DIS3L2: variants seen among roughly 807,000 people sequenced by gnomAD.
The protein encoded by DIS3L2 is DIS3 like 3'-5' exoribonuclease 2.
A neutral mutation model predicts 97.5 loss-of-function variants in DIS3L2; 34 were observed. The observed-to-expected ratio is 0.35, with a 90% CI of 0.27 to 0.46. The LOEUF (loss-of-function observed/expected upper bound fraction) is 0.46, where lower values mean the gene tolerates loss of function less well. Among genes scored for constraint, DIS3L2 ranks in the 20% least tolerant of loss-of-function variants. DIS3L2 has a pLI of 1.00. For missense variants in DIS3L2, 1,038 were observed against 1,146.0 expected (o/e 0.91, Z 1.36); for synonymous variants, 435 against 445.2 (o/e 0.98, Z 0.29).
chr2:232,025,139 A>G (rs1226334465), intron 4 of DIS3L2, among the ~76,000 whole-genome samples: 1 of 152,196 alleles, frequency 6.6e-6, no homozygotes, highest in Non-Finnish European at 1.5e-5. Context: ...TAGTGAGAAT[A>G]TAGGTTCAGT....
intron 6 of DIS3L2, among the ~76,000 whole-genome samples, chr2:232,098,294 A>G (rs969394282): frequency 6.6e-6 from 1 of 151,942 alleles, no homozygotes; most frequent in Non-Finnish European, 1.5e-5. Context: ...CCTACTTGCA[A>G]TGTATGAGGC....
chr2:232,100,518 A>G (rs972758073), intron 6 of DIS3L2, among the ~76,000 whole-genome samples: 1 of 152,036 alleles, frequency 6.6e-6, no homozygotes, highest in Non-Finnish European at 1.5e-5. Context: ...AAAGCTACAT[A>G]TGTACCTCTA....
At chr2:231,973,266 A>G (rs1170666661) in intron 1 of DIS3L2, among the ~76,000 whole-genome samples, 1 of 144,930 alleles carries the variant, frequency 6.9e-6, no homozygotes, top group Non-Finnish European at 1.5e-5. Context: ...ATCCGTATGT[A>G]TATATTTACA....
intron 8 of DIS3L2, among the ~76,000 whole-genome samples, chr2:232,148,748 CTTTTTTTTTTTTTT>C (rs34837114): frequency 1.0e-5 from 1 of 98,900 alleles, no homozygotes; most frequent in African/African-American, 3.9e-5. Flanking sequence ...AATTTTCTTT[CTTTTTTTTTTTTTT>C]TTTTTTTTTT....
chr2:232,307,144 T>C (rs372097224), intron 14 of DIS3L2, among the ~76,000 whole-genome samples: 2 of 152,240 alleles, frequency 1.3e-5, no homozygotes, highest in South Asian at 2.1e-4. Flanking sequence ...CTTTCAGTTG[T>C]GGGTTTGCTT....
intron 13 of DIS3L2, among the ~76,000 whole-genome samples, chr2:232,278,078 A>G (rs768412004): frequency 2.0e-5 from 3 of 152,328 alleles, no homozygotes; most frequent in South Asian, 2.1e-4. Context: ...ACAATAGTGC[A>G]TTGTTACTGC....
chr2:232,145,925 G>A (rs1018399644), intron 8 of DIS3L2, among the ~76,000 whole-genome samples: 2 of 152,096 alleles, frequency 1.3e-5, no homozygotes, highest in Non-Finnish European at 2.9e-5. Flanking sequence ...TATTGATAAG[G>A]AAGAGGCATA....
At chr2:232,282,142 T>A (rs1394585484) in intron 13 of DIS3L2, among the ~76,000 whole-genome samples, 1 of 107,158 alleles carries the variant, frequency 9.3e-6, no homozygotes, top group Non-Finnish European at 1.9e-5. Context: ...CTCGTTTATT[T>A]AAAAAAAAAA....
chr2:231,975,083 G>A lies in DIS3L2; in HGVS notation c.-94+13318G>A, dbSNP rs539794611. ...TATCTACTGTTTACACTTTTGAACG[G>A]CATTCAATTAAGGTTAGTTTTAGTA... On this transcript the variant is annotated intron_variant, in intron 1 of 20. Transcript: ENST00000325385. Among the ~76,000 whole-genome samples, 28 of 152,228 alleles carry A rather than the reference G, an allele frequency of 1.8e-4. No homozygotes were observed. The South Asian group carries it at 4.2e-3, about 23-fold the overall frequency.
intron 6 of DIS3L2, among the ~76,000 whole-genome samples, chr2:232,121,355 T>C (rs1420219529): frequency 6.6e-6 from 1 of 152,232 alleles, no homozygotes; most frequent in Non-Finnish European, 1.5e-5. Flanking sequence ...ACTTTTGCTT[T>C]TCTTAAATGT....
chr2:231,991,042 A>G (rs1298837156), intron 1 of DIS3L2, among the ~76,000 whole-genome samples: 1 of 151,822 alleles, frequency 6.6e-6, no homozygotes, highest in South Asian at 2.1e-4. Flanking sequence ...AGAAGCTGGG[A>G]CCATAGGCAT....
intron 1 of DIS3L2, among the ~76,000 whole-genome samples, chr2:232,009,976 G>A (rs913740287): frequency 6.6e-6 from 1 of 152,054 alleles, no homozygotes. Context: ...GCTCCCTCTG[G>A]CAGTGGAGCT....
chr2:232,110,238 G>C (rs960957544), intron 6 of DIS3L2, among the ~76,000 whole-genome samples: 2 of 152,174 alleles, frequency 1.3e-5, no homozygotes, highest in Admixed American at 6.5e-5. Context: ...CTTTTACACT[G>C]TTGGTGGGAG....
At position 232,281,736 on chromosome 2, in the gene DIS3L2, A is replaced by G. The variant is rs146064103; in HGVS notation, c.1659+18296A>G. Among the ~76,000 whole-genome samples the G allele has an allele frequency of 2.9e-3, 438 of 152,236 alleles. 1 individual carries two copies. The highest frequency in any genetic ancestry group is 4.5e-3 in the Non-Finnish European group (307 of 68,002). On this transcript the variant is annotated intron_variant, in intron 13 of 20. Transcript: ENST00000325385. This position sits in a 1 kb window ranked among gnomAD's most constrained non-coding sequence, Gnocchi z 4.1. ...GAGCATCATCGGCACCACCCAGGGG[A>G]GGAAGAGCAGGCATTGGGTGGAGAC... is the stretch of plus-strand genomic sequence containing the variant.
chr2:232,183,088 G>GAAGCCCTTATAA (rs1691337168), intron 9 of DIS3L2, among the ~76,000 whole-genome samples: 1 of 152,154 alleles, frequency 6.6e-6, no homozygotes, highest in Non-Finnish European at 1.5e-5. Flanking sequence ...AGAAGCATGA[G>GAAGCCCTTATAA]AAAGAAACCT....
intron 6 of DIS3L2, among the ~76,000 whole-genome samples, chr2:232,096,287 CG>C (rs549641360): frequency 2.9e-3 from 447 of 151,828 alleles, no homozygotes; most frequent in African/African-American, 9.9e-3. Context: ...AGGGTTTCAC[CG>C]TGTTAGCCAG....
At chr2:231,985,963 G>A (rs745306141) in intron 1 of DIS3L2, among the ~76,000 whole-genome samples, 1 of 152,224 alleles carries the variant, frequency 6.6e-6, no homozygotes, top group Non-Finnish European at 1.5e-5. Flanking sequence ...GGCTGCCAGT[G>A]CGTCTAGAAC....
chr2:232,315,363 G>T (rs1009006137), intron 14 of DIS3L2, among the ~76,000 whole-genome samples: 1 of 152,216 alleles, frequency 6.6e-6, no homozygotes, highest in Non-Finnish European at 1.5e-5. Flanking sequence ...TCTCAAGGAG[G>T]TTAGCCCATA....
At chr2:232,240,279 T>C (rs1693045411) in intron 11 of DIS3L2, among the ~76,000 whole-genome samples, 1 of 152,206 alleles carries the variant, frequency 6.6e-6, no homozygotes, top group Non-Finnish European at 1.5e-5. Context: ...GTACAGCCGA[T>C]TTCTTCAGAA....
Sources: gnomAD v4.1 joint callset for allele counts (sites outside exome capture counted in the v4.1 genomes callset) on GRCh38, gnomAD v4.1.1 for gene constraint, Gnocchi (gnomAD v3.1) non-coding constraint, MANE v1.5 for transcripts, NCBI Gene and HGNC (gene_info 2026-07-23, HGNC 2026-07-21) for gene names.